The following ATF6 variants were observed in gnomAD, a reference collection of about 807,000 sequenced individuals.
ATF6 encodes activating transcription factor 6, also known as cyclic AMP-dependent transcription factor ATF-6 alpha.
A neutral mutation model predicts 83.6 loss-of-function variants in ATF6; 53 were observed. The ratio of observed to expected loss-of-function variants is 0.63; its 90% confidence interval spans 0.51 to 0.80. ATF6 has a LOEUF of 0.80. Among genes scored for constraint, ATF6 ranks in the 30% least tolerant of loss-of-function variants. The pLI is 0.00. For synonymous variants in ATF6, 288 were observed against 285.8 expected (o/e 1.01, Z -0.08); for missense variants, 744 against 797.9 (o/e 0.93, Z 0.81).
intron 7 of ATF6, among the ~76,000 whole-genome samples, chr1:161,807,710 C>T (rs1685325662): frequency 6.6e-6 from 1 of 151,996 alleles, no homozygotes; most frequent in Non-Finnish European, 1.5e-5. Flanking sequence ...AGTTCAGTTT[C>T]ATTTGAGGTT....
chr1:161,943,039 A>G (rs777177899), intron 15 of ATF6, among the ~76,000 whole-genome samples: 3 of 152,204 alleles, frequency 2.0e-5, no homozygotes, highest in African/African-American at 4.8e-5. Context: ...TATTTTTAGT[A>G]GAGACGTGGT....
Position 161,958,475 on chromosome 1 carries a change from G to T in ATF6, c.1834G>T (p.Val612Leu). 1.2e-6 allele frequency: 2 copies of T among 1,611,936 alleles called. No homozygotes were observed. Among genetic ancestry groups the T allele is most frequent in the African/African-American group, 1.3e-5 (1 of 75,036 alleles). Residue 612 changes from valine (V) to leucine (L), a missense_variant, in exon 16 of 16, where the codon GTG becomes TTG. Coordinates refer to ENST00000367942, the MANE Select transcript of ATF6 (RefSeq NM_007348.4). ...ENVINGQDYE[V>L]MMQIDCQVMD... ...TGTGATCAATGGGCAGGACTACGAA[G>T]TGATGATGCAGATTGACTGTCAGGT...
At chr1:161,866,186 A>C (rs1686994153) in intron 14 of ATF6, among the ~76,000 whole-genome samples, 1 of 152,216 alleles carries the variant, frequency 6.6e-6, no homozygotes, top group Non-Finnish European at 1.5e-5. Flanking sequence ...TAACAAAGCC[A>C]ATAAGCAAGC....
chr1:161,829,710 A>G (rs4657113), intron 9 of ATF6, among the ~76,000 whole-genome samples: 95,815 of 150,818 alleles, frequency 0.64, 32,980 homozygotes, highest in Middle Eastern at 0.77. Flanking sequence ...AAACCACATA[A>G]TTATCTCAAT....
At chr1:161,933,828 C>T (rs1373974904) in intron 15 of ATF6, among the ~76,000 whole-genome samples, 1 of 152,200 alleles carries the variant, frequency 6.6e-6, no homozygotes, top group Non-Finnish European at 1.5e-5. Flanking sequence ...TCTTGCTCCT[C>T]CCCATGTTGA....
At chr1:161,782,866 G>A (rs547246195) in intron 3 of ATF6, among the ~76,000 whole-genome samples, 5 of 152,304 alleles carry the variant, frequency 3.3e-5, no homozygotes, top group Admixed American at 1.3e-4. Flanking sequence ...TATGGGTCAC[G>A]AATTTTGACT....
intron 9 of ATF6, among the ~76,000 whole-genome samples, chr1:161,829,132 G>A (rs1258053962): frequency 1.3e-5 from 2 of 148,736 alleles, no homozygotes; most frequent in Non-Finnish European, 3.0e-5. Flanking sequence ...GATTCATAAA[G>A]CAAGTCCTTA....
chr1:161,806,006 T>C (rs1685269955), intron 7 of ATF6, among the ~76,000 whole-genome samples: 1 of 152,216 alleles, frequency 6.6e-6, no homozygotes, highest in Non-Finnish European at 1.5e-5. Context: ...ACAGTTTGCC[T>C]GGTTCAAATT....
intron 15 of ATF6, among the ~76,000 whole-genome samples, chr1:161,945,678 T>C (rs1172452009): frequency 1.3e-5 from 2 of 152,248 alleles, no homozygotes. Context: ...TGTCATATTT[T>C]CCTGTAATTT....
At chr1:161,954,961 A>G (rs1688936812) in intron 15 of ATF6, among the ~76,000 whole-genome samples, 2 of 152,286 alleles carry the variant, frequency 1.3e-5, no homozygotes, top group South Asian at 4.1e-4. Flanking sequence ...TGACTCCCGT[A>G]CTATTTGGTT....
rs150935533 is a variant in ATF6, at chr1:161,793,859, A to C, written c.688+1532A>C. Reference sequence around the variant, plus strand: ...TACTTTCCTGTCATCTGAAGACTATAGTTATTTTTTTGTGAGCATGTGCTA... The same window carrying C: ...TACTTTCCTGTCATCTGAAGACTATCGTTATTTTTTTGTGAGCATGTGCTA... On this transcript the variant is annotated intron_variant, in intron 6 of 15. Transcript: ENST00000367942. 1.2e-3 allele frequency among the ~76,000 whole-genome samples: 180 copies of C among 152,264 alleles called. 1 individual carries two copies. Among genetic ancestry groups the C allele is most frequent in the Middle Eastern group, 3.4e-3 (1 of 294 alleles).
At chr1:161,927,935 T>C (rs776193417) in intron 15 of ATF6, among the ~76,000 whole-genome samples, 2 of 152,246 alleles carry the variant, frequency 1.3e-5, no homozygotes, top group Non-Finnish European at 2.9e-5. Flanking sequence ...GTTTCCTTTT[T>C]TAAAAACAAA....
At chr1:161,900,492 T>C (rs750959401) in intron 14 of ATF6, among the ~76,000 whole-genome samples, 1 of 152,136 alleles carries the variant, frequency 6.6e-6, no homozygotes, top group Non-Finnish European at 1.5e-5. Context: ...AAGTCAAATA[T>C]AATCTTTTGC....
intron 9 of ATF6, among the ~76,000 whole-genome samples, chr1:161,841,633 G>A (rs1177755361): frequency 6.6e-6 from 1 of 152,080 alleles, no homozygotes; most frequent in Non-Finnish European, 1.5e-5. Context: ...CTCCCTTGTT[G>A]AAAATACTTT....
intron 3 of ATF6, among the ~76,000 whole-genome samples, chr1:161,782,971 A>G (rs1684671162): frequency 6.6e-6 from 1 of 152,202 alleles, no homozygotes; most frequent in Non-Finnish European, 1.5e-5. Context: ...AGATTGTAGT[A>G]GCTTGACATT....
At position 161,808,108 on chromosome 1, in the gene ATF6, G is replaced by A. The variant is rs529603604; in HGVS notation, c.909+5836G>A. ...TTGGCCAGGCTGTTCTCAAACTCCT[G>A]GCCTCAAGTGATCCACCTGCCTCGG... is the stretch of plus-strand genomic sequence containing the variant. On this transcript the variant is annotated intron_variant, in intron 7 of 15. Transcript: ENST00000367942. Among the ~76,000 whole-genome samples, 4 of 151,862 alleles carry A rather than the reference G, an allele frequency of 2.6e-5. No individual in the cohort carries two copies. The South Asian group carries it at 6.3e-4, about 24-fold the overall frequency.
At chr1:161,792,625 G>A (rs957562250) in intron 6 of ATF6, among the ~76,000 whole-genome samples, 1 of 152,210 alleles carries the variant, frequency 6.6e-6, no homozygotes, top group Non-Finnish European at 1.5e-5. Flanking sequence ...GTTGAAGGCA[G>A]AGTTCAGGTC....
intron 4 of ATF6, among the ~76,000 whole-genome samples, chr1:161,785,975 CT>C (rs568394977): frequency 1.6e-3 from 229 of 141,938 alleles, no homozygotes; most frequent in Non-Finnish European, 1.6e-3. Flanking sequence ...AATTTTTGTT[CT>C]TTTTTTTTTT....
At chr1:161,958,385 C>G (rs964082605) in intron 15 of ATF6, 61 bp from the exon 16 acceptor site, 2 of 1,496,322 alleles carry the variant, frequency 1.3e-6, no homozygotes, top group Admixed American at 1.9e-5. Flanking sequence ...GGGGCTGAAG[C>G]TTATGGCAGA....
Sources: allele counts gnomAD v4.1 joint callset (sites outside exome capture counted in the v4.1 genomes callset), GRCh38; gene constraint gnomAD v4.1.1; transcripts MANE v1.5; gene names NCBI Gene and HGNC (gene_info 2026-07-23, HGNC 2026-07-21).